ADAMTS19: variants seen among roughly 807,000 people sequenced by gnomAD.
The protein encoded by ADAMTS19 is A disintegrin and metalloproteinase with thrombospondin motifs 19.
A neutral mutation model predicts 153.3 loss-of-function variants in ADAMTS19; 93 were observed. The observed-to-expected ratio is 0.61, with a 90% confidence interval of 0.51 to 0.72. The LOEUF (loss-of-function observed/expected upper bound fraction) is 0.72, where lower values mean the gene tolerates loss of function less well. Among genes scored for constraint, ADAMTS19 ranks in the 30% least tolerant of loss-of-function variants. The probability of loss-of-function intolerance (pLI) is 0.00; values close to 1 mark genes in which losing one functional copy is unlikely to be tolerated. For synonymous variants in ADAMTS19, 600 were observed against 556.6 expected, an observed-to-expected ratio of 1.08 and a Z score of -1.10; for missense variants, 1,482 against 1,552.1, an observed-to-expected ratio of 0.95 and a Z score of 0.76.
intron 18 of ADAMTS19, 53 bp from the exon 19 acceptor site, chr5:129,694,667 T>C (rs1206581243): frequency 1.5e-6 from 2 of 1,332,982 alleles, no homozygotes; most frequent in East Asian, 2.8e-5. Flanking sequence ...ACCTCCTAAA[T>C]CCATTACATA....
chr5:129,468,672 T>C lies in ADAMTS19; in HGVS notation c.747+6915T>C, dbSNP rs189400088. ...TGGCCAAAGATTGATGTTATCTTAATATAGTTGTAATTTACATTTTTTGTT... is the reference window on the plus strand; with the variant it reads ...TGGCCAAAGATTGATGTTATCTTAACATAGTTGTAATTTACATTTTTTGTT... On this transcript the variant is annotated intron_variant, in intron 2 of 22. Coordinates refer to ENST00000274487, the MANE Select transcript of ADAMTS19 (RefSeq NM_133638.6). 5.9e-5 allele frequency among the ~76,000 whole-genome samples: 9 copies of C among 152,268 alleles called. No homozygotes were observed. The East Asian group carries it at 1.4e-3, about 23-fold the overall frequency.
intron 18 of ADAMTS19, among the ~76,000 whole-genome samples, chr5:129,686,557 CA>C (rs1423724581): frequency 2.0e-5 from 3 of 152,012 alleles, no homozygotes; most frequent in African/African-American, 7.2e-5. Context: ...CGTCTAGATC[CA>C]AAGGTACCTG....
intron 6 of ADAMTS19, among the ~76,000 whole-genome samples, chr5:129,531,648 A>C (rs1042696074): frequency 3.9e-5 from 6 of 152,108 alleles, no homozygotes; most frequent in Non-Finnish European, 7.4e-5. Flanking sequence ...AACAAACAAA[A>C]AAACCCCAAA....
At chr5:129,654,743 T>C (rs1302068734) in intron 14 of ADAMTS19, among the ~76,000 whole-genome samples, 1 of 152,118 alleles carries the variant, frequency 6.6e-6, no homozygotes, top group African/African-American at 2.4e-5. Context: ...GTCAAAATAT[T>C]TCAGACCAAA....
Position 129,517,132 on chromosome 5 carries a change from G to A in ADAMTS19, c.913+7890G>A, listed in dbSNP as rs541244359. ...CAATTTCTAGTTTTATTCCATTTTG[G>A]TTAGAGAAGATGCCTGATATTATAT... On this transcript the variant is annotated intron_variant, in intron 3 of 22. Transcript: ENST00000274487. Among the ~76,000 whole-genome samples, 3 of 151,522 alleles carry A rather than the reference G, an allele frequency of 2.0e-5. No individual in the cohort carries two copies. In the East Asian group the frequency reaches 5.8e-4, roughly 29 times the overall value.
chr5:129,504,412 A>AT (rs1751201899), intron 2 of ADAMTS19, among the ~76,000 whole-genome samples: 1 of 152,310 alleles, frequency 6.6e-6, no homozygotes, highest in Non-Finnish European at 1.5e-5. Flanking sequence ...AAATGCACAT[A>AT]TTTTTGGTGT....
rs1434614285 is a variant in ADAMTS19 at position 129,639,188 on chromosome 5, G to A, written c.1771-2671G>A. The stretch of plus-strand genomic sequence containing the variant: ...TGAAAAAAATATTTGACCCTTGCCT[G>A]TGTAACATATGGACAGTGTTTGTCT... On this transcript the variant is annotated intron_variant, in intron 10 of 22. Transcript: ENST00000274487. Among the ~76,000 whole-genome samples the A allele has an allele frequency of 2.6e-5, 4 of 152,242 alleles. No individual in the cohort carries two copies. In the East Asian group the frequency reaches 7.7e-4, roughly 29 times the overall value.
chr5:129,522,560 C>A (rs1232040850), intron 3 of ADAMTS19, among the ~76,000 whole-genome samples: 1 of 151,498 alleles, frequency 6.6e-6, no homozygotes, highest in Non-Finnish European at 1.5e-5. Context: ...ACTGATTATA[C>A]ATGATATTTG....
intron 7 of ADAMTS19, among the ~76,000 whole-genome samples, chr5:129,593,058 T>C (rs1750219494): frequency 1.3e-5 from 2 of 152,296 alleles, no homozygotes; most frequent in Middle Eastern, 6.8e-3. Context: ...TGATTTCCTA[T>C]AACTGGTGTT....
chr5:129,637,973 A>G (rs1335000737), intron 10 of ADAMTS19, among the ~76,000 whole-genome samples: 1 of 149,842 alleles, frequency 6.7e-6, no homozygotes. Flanking sequence ...TTGAATGGGG[A>G]GGGTGGGAGG....
At chr5:129,623,049 A>G (rs531413313) in intron 10 of ADAMTS19, among the ~76,000 whole-genome samples, 81 of 152,320 alleles carry the variant, frequency 5.3e-4, no homozygotes, top group South Asian at 1.4e-3. Context: ...TAATATGAAC[A>G]TGTAATTGTG....
At chr5:129,695,961 C>T (rs952485558) in intron 19 of ADAMTS19, among the ~76,000 whole-genome samples, 4 of 152,192 alleles carry the variant, frequency 2.6e-5, no homozygotes, top group South Asian at 2.1e-4. Flanking sequence ...CTGATATAAC[C>T]GTCTTCATGG....
At chr5:129,723,407 AG>A (rs1191260800) in intron 21 of ADAMTS19, among the ~76,000 whole-genome samples, 4 of 152,196 alleles carry the variant, frequency 2.6e-5, no homozygotes, top group Non-Finnish European at 5.9e-5. Context: ...AAACAAGTAT[AG>A]GGTTTAAGAA....
chr5:129,630,712 C>G (rs30701), intron 10 of ADAMTS19, among the ~76,000 whole-genome samples: 24,866 of 151,566 alleles, frequency 0.16, 2,287 homozygotes, highest in East Asian at 0.31. Context: ...AAAAGAAAAA[C>G]AAAACAGAAA....
intron 7 of ADAMTS19, among the ~76,000 whole-genome samples, chr5:129,590,050 C>T (rs990713957): frequency 6.6e-6 from 1 of 152,130 alleles, no homozygotes; most frequent in Non-Finnish European, 1.5e-5. Context: ...CCTGCACTGA[C>T]AGATTCTTAA....
intron 16 of ADAMTS19, among the ~76,000 whole-genome samples, chr5:129,673,885 C>A (rs1754426038): frequency 6.6e-6 from 1 of 152,098 alleles, no homozygotes; most frequent in Non-Finnish European, 1.5e-5. Flanking sequence ...AAAAACATGT[C>A]TTTTTTTAAA....
intron 18 of ADAMTS19, among the ~76,000 whole-genome samples, chr5:129,687,559 A>AT (rs983477230): frequency 3.9e-5 from 6 of 152,188 alleles, no homozygotes; most frequent in African/African-American, 7.2e-5. Flanking sequence ...TTGACTATAA[A>AT]TTTTTTTTGT....
At chr5:129,613,213 C>T (rs1341565555) in intron 8 of ADAMTS19, among the ~76,000 whole-genome samples, 1 of 152,094 alleles carries the variant, frequency 6.6e-6, no homozygotes, top group African/African-American at 2.4e-5. Context: ...AACTCTCCAC[C>T]CCAAATCACA....
In ADAMTS19 at chr5:129,629,244, C is replaced by T. The variant is rs978453466; in HGVS notation, c.1770+6896C>T. Among the ~76,000 whole-genome samples the T allele has an allele frequency of 1.2e-4, 18 of 152,026 alleles. 1 individual carries two copies. The stretch of plus-strand genomic sequence containing the variant: ...TTCACTCATGTAGATAACATGATAA[C>T]CTTTTAGAATATTAATGCAATGACT... On this transcript the variant is annotated intron_variant, in intron 10 of 22. Transcript: ENST00000274487.
Sources: allele counts gnomAD v4.1 joint callset (sites outside exome capture counted in the v4.1 genomes callset), GRCh38; gene constraint gnomAD v4.1.1; transcripts MANE v1.5; gene names NCBI Gene and HGNC (gene_info 2026-07-23, HGNC 2026-07-21).